Variants in NKAIN2 observed in about 807,000 individuals in gnomAD.
The protein encoded by NKAIN2 is sodium/potassium-transporting ATPase subunit beta-1-interacting protein 2.
A neutral mutation model predicts 32.6 loss-of-function variants in NKAIN2; 14 were observed. The observed-to-expected ratio is 0.43, with a 90% CI of 0.28 to 0.67. The LOEUF is 0.67. Ranked by LOEUF, NKAIN2 falls within the 30% of genes least tolerant of loss-of-function variation. The probability of loss-of-function intolerance (pLI) is 0.17; values close to 1 mark genes in which losing one functional copy is unlikely to be tolerated. For missense variants in NKAIN2, 198 were observed against 258.3 expected, an observed-to-expected ratio of 0.77 and a Z score of 1.60; for synonymous variants, 80 against 87.2, an observed-to-expected ratio of 0.92 and a Z score of 0.46.
In NKAIN2 at chr6:123,845,214, A is replaced by G. The variant is rs1470452028; in HGVS notation, c.54+40960A>G. On this transcript the variant is annotated intron_variant, in intron 1 of 6. Coordinates refer to ENST00000368417, the MANE Select transcript of NKAIN2 (RefSeq NM_001040214.3). ...TTCTGAATTAGAGTACAAATACTATAAAATGTGATATCTTCTATGGCAAAG... is the reference window on the plus strand; with the variant it reads ...TTCTGAATTAGAGTACAAATACTATGAAATGTGATATCTTCTATGGCAAAG... Among the ~76,000 whole-genome samples the G allele has an allele frequency of 1.1e-4, 17 of 152,338 alleles. 1 individual carries two copies. In the South Asian group the frequency reaches 3.5e-3, roughly 32 times the overall value.
chr6:124,348,452 G>T (rs1323108828), intron 2 of NKAIN2, among the ~76,000 whole-genome samples: 1 of 152,212 alleles, frequency 6.6e-6, no homozygotes, highest in Non-Finnish European at 1.5e-5. Flanking sequence ...GCCTACAGAG[G>T]CAGGCAGGCC....
intron 1 of NKAIN2, among the ~76,000 whole-genome samples, chr6:124,173,935 A>G (rs1789026319): frequency 6.6e-6 from 1 of 152,138 alleles, no homozygotes; most frequent in African/African-American, 2.4e-5. Context: ...ATTTTGGAAA[A>G]TAAAGGATTA....
At chr6:124,720,469 TAC>T (rs1420115357) in intron 4 of NKAIN2, among the ~76,000 whole-genome samples, 3 of 152,228 alleles carry the variant, frequency 2.0e-5, no homozygotes, top group African/African-American at 7.2e-5. Context: ...ATGATTTAAA[TAC>T]ACACAGAAAT....
chr6:123,924,663 T>C (rs1775924457), intron 1 of NKAIN2, among the ~76,000 whole-genome samples: 2 of 152,162 alleles, frequency 1.3e-5, no homozygotes, highest in African/African-American at 4.8e-5. Flanking sequence ...TTCAGCTTTC[T>C]GTGGCTCCAT....
At chr6:124,415,238 T>C (rs1381969184) in intron 3 of NKAIN2, among the ~76,000 whole-genome samples, 1 of 152,212 alleles carries the variant, frequency 6.6e-6, no homozygotes, top group Non-Finnish European at 1.5e-5. Flanking sequence ...GGTGGTTTTG[T>C]CTGTGCTTCT....
At chr6:124,787,433 C>T (rs1195183044) in intron 4 of NKAIN2, among the ~76,000 whole-genome samples, 1 of 151,648 alleles carries the variant, frequency 6.6e-6, no homozygotes, top group Admixed American at 6.6e-5. Flanking sequence ...AAAACAAATG[C>T]AAAAAAAGAA....
At chr6:124,049,955 A>G (rs57178454) in intron 1 of NKAIN2, among the ~76,000 whole-genome samples, 2,066 of 152,152 alleles carry the variant, frequency 0.014, 56 homozygotes, top group African/African-American at 0.046. Context: ...TCTTGACTTA[A>G]TAAGTTAAAA....
intron 4 of NKAIN2, among the ~76,000 whole-genome samples, chr6:124,784,958 A>G (rs1779433532): frequency 6.6e-6 from 1 of 152,082 alleles, no homozygotes; most frequent in Admixed American, 6.6e-5. Flanking sequence ...AGCTTTTGGA[A>G]TTAGTAAGTT....
intron 3 of NKAIN2, among the ~76,000 whole-genome samples, chr6:124,377,674 A>G (rs1800051402): frequency 6.6e-6 from 1 of 152,176 alleles, no homozygotes. Flanking sequence ...CAGGAATTAT[A>G]TTATTGACAG....
At chr6:124,249,929 G>A (rs1327738572) in intron 1 of NKAIN2, among the ~76,000 whole-genome samples, 1 of 152,130 alleles carries the variant, frequency 6.6e-6, no homozygotes, top group Non-Finnish European at 1.5e-5. Flanking sequence ...AAGATAGCAA[G>A]GAAACTTTTC....
At chr6:124,714,764 T>A (rs1367974612) in intron 4 of NKAIN2, among the ~76,000 whole-genome samples, 1 of 152,192 alleles carries the variant, frequency 6.6e-6, no homozygotes, top group Non-Finnish European at 1.5e-5. Context: ...GGCTATTCCC[T>A]TCTGGGTTTC....
At chr6:124,532,015 C>A (rs1779544758) in intron 3 of NKAIN2, among the ~76,000 whole-genome samples, 1 of 152,150 alleles carries the variant, frequency 6.6e-6, no homozygotes, top group South Asian at 2.1e-4. Flanking sequence ...CTCAGGAGTG[C>A]AGGGCTCAGT....
At chr6:124,269,024 G>C (rs1794627826) in intron 1 of NKAIN2, among the ~76,000 whole-genome samples, 1 of 152,180 alleles carries the variant, frequency 6.6e-6, no homozygotes, top group South Asian at 2.1e-4. Context: ...TATGTGCACA[G>C]ATAGATAGAA....
chr6:124,372,658 A>C (rs1037331623), intron 3 of NKAIN2, among the ~76,000 whole-genome samples: 1 of 152,212 alleles, frequency 6.6e-6, no homozygotes, highest in Non-Finnish European at 1.5e-5. Flanking sequence ...TGCATATTCA[A>C]TGTTCCTGTA....
At chr6:124,760,384 G>A (rs1307741738) in intron 4 of NKAIN2, among the ~76,000 whole-genome samples, 3 of 112,614 alleles carry the variant, frequency 2.7e-5, no homozygotes, top group Non-Finnish European at 5.0e-5. Flanking sequence ...TACCTGTATA[G>A]CAAACCTGCA....
chr6:124,355,259 C>T lies in NKAIN2; in HGVS notation c.193-8C>T. The T allele has an allele frequency of 6.4e-7, 1 of 1,570,890 alleles. No individual in the cohort carries two copies. The highest frequency in any genetic ancestry group is 8.8e-7 in the Non-Finnish European group (1 of 1,142,344). On this transcript the variant is annotated splice_polypyrimidine_tract_variant and splice_region_variant and intron_variant, in intron 2 of 6. Coordinates refer to ENST00000368417, the MANE Select transcript of NKAIN2 (RefSeq NM_001040214.3). ...ATTATACGTTATTTCTCTCTTGCTT[C>T]TCTACAGTATGCTGTCTGGCTAGTC...
chr6:124,462,970 C>A (rs1776592674), intron 3 of NKAIN2, among the ~76,000 whole-genome samples: 1 of 151,898 alleles, frequency 6.6e-6, no homozygotes, highest in South Asian at 2.1e-4. Flanking sequence ...AACCTCTGAG[C>A]CTGAAATGTG....
intron 3 of NKAIN2, among the ~76,000 whole-genome samples, chr6:124,498,644 T>G (rs1183865930): frequency 6.6e-6 from 1 of 152,180 alleles, no homozygotes; most frequent in Non-Finnish European, 1.5e-5. Flanking sequence ...AACAATAATT[T>G]ATCATGATAA....
At chr6:124,262,808 G>A (rs1213934785) in intron 1 of NKAIN2, among the ~76,000 whole-genome samples, 6 of 152,120 alleles carry the variant, frequency 3.9e-5, no homozygotes, top group Non-Finnish European at 7.4e-5. Context: ...AACAAGCAAC[G>A]ATGGGACCTC....
Sources: allele counts gnomAD v4.1 joint callset (sites outside exome capture counted in the v4.1 genomes callset), GRCh38; gene constraint gnomAD v4.1.1; transcripts MANE v1.5; gene names NCBI Gene and HGNC (gene_info 2026-07-23, HGNC 2026-07-21).